LINC00237: variants seen among roughly 807,000 people sequenced by gnomAD.
LINC00237 encodes long intergenic non-protein coding RNA 237.
chr20:21,098,924 CA>C (rs1210987547), intron 1 of LINC00237, among the ~76,000 whole-genome samples: 1 of 152,230 alleles, frequency 6.6e-6, no homozygotes, highest in Admixed American at 6.5e-5. Flanking sequence ...GGCTTTTTAT[CA>C]GGAACAGGTT....
At chr20:21,091,371 T>A (rs988583980) in intron 2 of LINC00237, among the ~76,000 whole-genome samples, 1 of 152,186 alleles carries the variant, frequency 6.6e-6, no homozygotes, top group Admixed American at 6.5e-5. Flanking sequence ...TAATCTTTCA[T>A]TACAGACACT....
chr20:21,089,278 G>C (rs1431292722), intron 2 of LINC00237, among the ~76,000 whole-genome samples: 1 of 151,592 alleles, frequency 6.6e-6, no homozygotes, highest in African/African-American at 2.4e-5. Flanking sequence ...AGATAGGTTT[G>C]CTACCTTTAA....
At chr20:21,094,259 C>A (rs947818818) in intron 1 of LINC00237, among the ~76,000 whole-genome samples, 1 of 152,202 alleles carries the variant, frequency 6.6e-6, no homozygotes, top group Non-Finnish European at 1.5e-5. Flanking sequence ...ACTCTCTCCA[C>A]CCAGCCCTTC....
intron 1 of LINC00237, among the ~76,000 whole-genome samples, chr20:21,097,157 G>A (rs548405491): frequency 2.0e-5 from 3 of 152,258 alleles, no homozygotes; most frequent in Non-Finnish European, 4.4e-5. Context: ...TTATCCACAG[G>A]CCGACAAAGC....
chr20:21,105,064 G>T (rs2030980733), intron 1 of LINC00237, among the ~76,000 whole-genome samples: 1 of 152,154 alleles, frequency 6.6e-6, no homozygotes, highest in African/African-American at 2.4e-5. Context: ...CCTGGAGCCC[G>T]AAGCACCGGA....
chr20:21,096,560 G>C (rs1277738549), intron 1 of LINC00237, among the ~76,000 whole-genome samples: 1 of 152,162 alleles, frequency 6.6e-6, no homozygotes, highest in Non-Finnish European at 1.5e-5. Context: ...AGGAGTCTCC[G>C]ACCCTGGAAG....
chr20:21,089,201 C>T lies in LINC00237; in HGVS notation n.473-1171G>A, dbSNP rs575421737. Among the ~76,000 whole-genome samples, 4 of 150,514 alleles carry T rather than the reference C, an allele frequency of 2.7e-5. No individual in the cohort carries two copies. The South Asian group carries it at 8.5e-4, about 32-fold the overall frequency. On this transcript the variant is annotated intron_variant and non_coding_transcript_variant, in intron 2 of 3. Transcript: ENST00000691244. ...GATGTATCTAGTATCCACAAGTATG[C>T]TATTAGAAATGTATTATTTATCTAT...
At chr20:21,098,504 A>G (rs1216363143) in intron 1 of LINC00237, among the ~76,000 whole-genome samples, 1 of 152,332 alleles carries the variant, frequency 6.6e-6, no homozygotes, top group African/African-American at 2.4e-5. Flanking sequence ...CCAGGCAAGC[A>G]TTGTATTCAT....
At chr20:21,093,873 C>A (rs1322037582) in intron 1 of LINC00237, 1 of 152,262 alleles carries the variant, frequency 6.6e-6, no homozygotes. Flanking sequence ...AAGAGAAACA[C>A]TTGCTCTTAT....
At chr20:21,100,526 G>A (rs897617585) in intron 1 of LINC00237, among the ~76,000 whole-genome samples, 10 of 152,188 alleles carry the variant, frequency 6.6e-5, no homozygotes, top group South Asian at 2.1e-4. Context: ...TCTGGCTTCC[G>A]TTTACTTATT....
intron 1 of LINC00237, among the ~76,000 whole-genome samples, chr20:21,103,992 C>T (rs1568887540): frequency 6.6e-6 from 1 of 151,962 alleles, no homozygotes; most frequent in African/African-American, 2.4e-5. Flanking sequence ...CTTATCCCAC[C>T]CCCTCCCCAC....
intron 1 of LINC00237, among the ~76,000 whole-genome samples, chr20:21,100,460 C>T (rs191040842): frequency 1.8e-4 from 28 of 152,370 alleles, no homozygotes; most frequent in African/African-American, 6.7e-4. Context: ...TCGCTAGGGG[C>T]CCGGCGTGGA....
intron 3 of LINC00237, among the ~76,000 whole-genome samples, chr20:21,085,999 T>C (rs1380550791): frequency 1.3e-5 from 2 of 152,186 alleles, no homozygotes; most frequent in African/African-American, 4.8e-5. Context: ...TTAGCCCTGG[T>C]GGAAGCTGCA....
intron 1 of LINC00237, among the ~76,000 whole-genome samples, chr20:21,103,568 G>T (rs1402778091): frequency 6.6e-6 from 1 of 152,240 alleles, no homozygotes; most frequent in Non-Finnish European, 1.5e-5. Context: ...AGTGCAATAT[G>T]AAATCAAATG....
intron 2 of LINC00237, chr20:21,090,026 TC>T: frequency 6.6e-6 from 1 of 152,218 alleles, no homozygotes; most frequent in East Asian, 1.9e-4. Flanking sequence ...TGAATGTCTT[TC>T]CATTGTTTCA....
chr20:21,097,216 G>A (rs1466396192), intron 1 of LINC00237, among the ~76,000 whole-genome samples: 1 of 152,128 alleles, frequency 6.6e-6, no homozygotes, highest in Non-Finnish European at 1.5e-5. Flanking sequence ...AGAAGGTTAA[G>A]CCCACCCAGC....
chr20:21,100,504 T>C (rs939223696), intron 1 of LINC00237, among the ~76,000 whole-genome samples: 1 of 152,270 alleles, frequency 6.6e-6, no homozygotes, highest in Non-Finnish European at 1.5e-5. Context: ...CACCGCTGCC[T>C]ACAAGGGAGG....
At chr20:21,099,777 C>G (rs1199605710) in intron 1 of LINC00237, among the ~76,000 whole-genome samples, 1 of 152,168 alleles carries the variant, frequency 6.6e-6, no homozygotes, top group Admixed American at 6.5e-5. Context: ...GTGCTTGAGG[C>G]TCTCAGAGGA....
chr20:21,095,725 C>A (rs763504197), intron 1 of LINC00237, among the ~76,000 whole-genome samples: 1 of 152,190 alleles, frequency 6.6e-6, no homozygotes, highest in Non-Finnish European at 1.5e-5. Flanking sequence ...GAGATGCTGT[C>A]AGTGTTGATA....
Sources: gnomAD v4.1 joint callset for allele counts (sites outside exome capture counted in the v4.1 genomes callset) on GRCh38, gnomAD v4.1.1 for gene constraint, MANE v1.5 for transcripts, NCBI Gene and HGNC (gene_info 2026-07-23, HGNC 2026-07-21) for gene names.